The following ODAD2 variants were observed in gnomAD, a reference collection of about 807,000 sequenced individuals.
ODAD2 encodes outer dynein arm-docking complex subunit 2.
In ODAD2, 89 loss-of-function variants were observed where a neutral mutation model predicts 106.8. The ratio of observed to expected loss-of-function variants is 0.83; its 90% CI spans 0.70 to 0.99. ODAD2 has a LOEUF of 0.99. Among genes scored for constraint, ODAD2 ranks in the 50% least tolerant of loss-of-function variants. The pLI is 0.00. For synonymous variants in ODAD2, 404 were observed against 436.2 expected, an observed-to-expected ratio of 0.93 and a Z score of 0.92; for missense variants, 1,168 against 1,238.5, an observed-to-expected ratio of 0.94 and a Z score of 0.85.
intron 19 of ODAD2, among the ~76,000 whole-genome samples, chr10:27,821,907 T>C (rs576518638): frequency 6.6e-6 from 1 of 152,310 alleles, no homozygotes; most frequent in South Asian, 2.1e-4. Context: ...ACCTAAAGAC[T>C]TTAAATTTAT....
intron 17 of ODAD2, among the ~76,000 whole-genome samples, chr10:27,893,147 A>G (rs546355336): frequency 5.3e-5 from 8 of 152,214 alleles, no homozygotes; most frequent in South Asian, 2.1e-4. Flanking sequence ...CGACAGAGCC[A>G]GACTCCTTCT....
At chr10:27,839,357 G>A (rs764580278) in intron 19 of ODAD2, among the ~76,000 whole-genome samples, 19 of 152,166 alleles carry the variant, frequency 1.2e-4, no homozygotes, top group Non-Finnish European at 2.5e-4. Flanking sequence ...CACCTGATAA[G>A]CTTTTTACGT....
intron 12 of ODAD2, among the ~76,000 whole-genome samples, chr10:27,942,212 C>A (rs1234522594): frequency 6.6e-6 from 1 of 152,162 alleles, no homozygotes; most frequent in African/African-American, 2.4e-5. Context: ...AAAATTTATT[C>A]CTTGATTTAA....
intron 15 of ODAD2, among the ~76,000 whole-genome samples, chr10:27,935,679 A>G (rs1305108322): frequency 6.7e-6 from 1 of 149,964 alleles, no homozygotes; most frequent in Non-Finnish European, 1.5e-5. Context: ...TCTTGAAATG[A>G]GTAGTAGCTT....
chr10:27,973,769 G>C (rs561128981), intron 7 of ODAD2, among the ~76,000 whole-genome samples: 2 of 152,004 alleles, frequency 1.3e-5, no homozygotes, highest in Non-Finnish European at 2.9e-5. Context: ...GTCTTTATGC[G>C]ATGATTTATA....
intron 10 of ODAD2, among the ~76,000 whole-genome samples, chr10:27,955,479 G>T (rs1330269037): frequency 6.6e-6 from 1 of 152,082 alleles, no homozygotes; most frequent in Non-Finnish European, 1.5e-5. Flanking sequence ...ACTCAGTCCT[G>T]GCCTGCAGCT....
chr10:27,862,609 A>G lies in ODAD2; in HGVS notation c.2624T>C (p.Met875Thr). ...CIKNAKDAGEMVRSFVGGLEL... is the reference protein window; with the variant it reads ...CIKNAKDAGETVRSFVGGLEL... ...CAAACCACCAACAAAGGAACGAACC[A>G]TTTCCCCAGCATCCTAGACAAAAAT... The change falls in exon 18 of 20, where the codon ATG (methionine) becomes ACG (threonine). Residue 875 changes from methionine (M) to threonine (T), a missense_variant. Around this residue, in one of 3 missense-constraint regions of ODAD2, gnomAD observed 701 missense variants for 712.3 expected, o/e 0.98. Transcript: ENST00000305242. The G allele has an allele frequency of 6.2e-7, 1 of 1,603,502 alleles. No individual in the cohort carries two copies. The highest frequency in any genetic ancestry group is 8.5e-7 in the Non-Finnish European group (1 of 1,175,902).
chr10:27,882,893 GTGTT>G (rs1841843070), intron 17 of ODAD2, among the ~76,000 whole-genome samples: 1 of 151,604 alleles, frequency 6.6e-6, no homozygotes. Flanking sequence ...TATCCCTAGA[GTGTT>G]TGTTATACAA....
At chr10:27,818,428 T>C (rs1281520837) in intron 19 of ODAD2, among the ~76,000 whole-genome samples, 1 of 152,108 alleles carries the variant, frequency 6.6e-6, no homozygotes, top group African/African-American at 2.4e-5. Flanking sequence ...ATACAAAATA[T>C]AGCAGAAAAA....
chr10:27,901,028 T>G (rs923766371), intron 17 of ODAD2, among the ~76,000 whole-genome samples: 1 of 151,944 alleles, frequency 6.6e-6, no homozygotes, highest in Non-Finnish European at 1.5e-5. Context: ...TCAGCAAGAT[T>G]GAAATGGAGG....
chr10:27,944,722 C>G (rs974195485), intron 11 of ODAD2, 94 bp downstream of exon 11: 9 of 1,464,426 alleles, frequency 6.1e-6, no homozygotes, highest in Non-Finnish European at 8.4e-6. Context: ...AAGACAAGAA[C>G]CAGGCAACGA....
Position 27,940,759 on chromosome 10 carries a change from G to A in ODAD2, c.1790C>T (p.Ser597Leu), listed in dbSNP as rs532755252. 18 of 1,614,092 alleles carry A rather than the reference G, an allele frequency of 1.1e-5. No individual in the cohort carries two copies. Among genetic ancestry groups the A allele is most frequent in the South Asian group, 4.4e-5 (4 of 91,082 alleles). ...CACGTCTCTGGCCTCATACAGACTC[G>A]ATTGGGCAGGTTTTGTGGAATCATG... ...CAHDSTKPAQSSLYEARDVEV... is the reference protein window; with the variant it reads ...CAHDSTKPAQLSLYEARDVEV... Residue 597 changes from serine (S) to leucine (L), a missense_variant, in exon 13 of 20, where the codon TCG (serine) becomes TTG (leucine). Around this residue, in one of 3 missense-constraint regions of ODAD2, gnomAD observed 701 missense variants for 712.3 expected, o/e 0.98. Coordinates refer to ENST00000305242, the MANE Select transcript of ODAD2 (RefSeq NM_018076.5).
chr10:27,948,966 C>T (rs942238981), intron 10 of ODAD2, among the ~76,000 whole-genome samples: 4 of 151,766 alleles, frequency 2.6e-5, no homozygotes, highest in South Asian at 2.1e-4. Context: ...AAAGACAAGA[C>T]GAATTAAAGA....
intron 8 of ODAD2, among the ~76,000 whole-genome samples, chr10:27,970,523 G>C (rs993612820): frequency 5.9e-5 from 9 of 152,134 alleles, no homozygotes; most frequent in African/African-American, 1.9e-4. Flanking sequence ...CTATATAAAA[G>C]TGAATTGTGT....
intron 16 of ODAD2, among the ~76,000 whole-genome samples, chr10:27,925,612 C>T (rs1845200995): frequency 6.6e-6 from 1 of 152,158 alleles, no homozygotes; most frequent in African/African-American, 2.4e-5. Flanking sequence ...CCTGCCTTGG[C>T]CTTCCAAAGT....
chr10:27,830,075 T>C (rs1228903438), intron 19 of ODAD2, among the ~76,000 whole-genome samples: 1 of 152,228 alleles, frequency 6.6e-6, no homozygotes, highest in African/African-American at 2.4e-5. Flanking sequence ...CACAGGATGG[T>C]GGAACTTAGC....
intron 16 of ODAD2, among the ~76,000 whole-genome samples, chr10:27,917,161 A>C (rs1160233065): frequency 6.6e-6 from 1 of 152,178 alleles, no homozygotes; most frequent in Non-Finnish European, 1.5e-5. Flanking sequence ...AATATGAAAG[A>C]ACTGAAATCA....
intron 16 of ODAD2, among the ~76,000 whole-genome samples, chr10:27,911,332 G>C (rs1390979511): frequency 6.6e-6 from 1 of 152,136 alleles, no homozygotes; most frequent in Non-Finnish European, 1.5e-5. Flanking sequence ...TCCCTGCTCT[G>C]CACGTGTCCA....
In ODAD2 at chr10:27,885,671, AAATATATATAATATATAATATAT is replaced by A. The variant is rs1459627172; in HGVS notation, c.2610+21969_2610+21991del. Among the ~76,000 whole-genome samples the A allele has an allele frequency of 2.4e-3, 76 of 31,320 alleles. 1 individual carries two copies. Among genetic ancestry groups the A allele is most frequent in the African/African-American group, 6.3e-3 (75 of 11,896 alleles). 20.5% of individuals were successfully genotyped at this position (31,320 alleles called of 152,430 possible). ...TATTATATATAATATATTATATATAAAATATATATAATATATAATATATAATATATATAAAATATATATTATAT... is the reference window on the plus strand; with the variant it reads ...TATTATATATAATATATTATATATAAAATATATATAAAATATATATTATAT... On this transcript the variant is annotated intron_variant, in intron 17 of 19. Transcript: ENST00000305242.
Sources: gnomAD v4.1 joint callset for allele counts (sites outside exome capture counted in the v4.1 genomes callset) on GRCh38, gnomAD v4.1.1 for gene constraint, gnomAD v4.1.1 regional missense constraint, MANE v1.5 for transcripts, NCBI Gene and HGNC (gene_info 2026-07-23, HGNC 2026-07-21) for gene names.